The following UCK2 variants were observed in gnomAD, a reference collection of about 807,000 sequenced individuals.
UCK2 encodes the protein uridine-cytidine kinase 2, also known as cytidine monophosphokinase 2.
UCK2 carries 6 observed loss-of-function variants against 30.8 expected under a neutral mutation model. The observed-to-expected ratio is 0.19, with a 90% CI of 0.11 to 0.38. The LOEUF is 0.38. Among genes scored for constraint, UCK2 ranks in the 10% least tolerant of loss-of-function variants. UCK2 has a pLI of 1.00. For synonymous variants in UCK2, 125 were observed against 133.6 expected, an observed-to-expected ratio of 0.94 and a Z score of 0.45; for missense variants, 210 against 339.8, an observed-to-expected ratio of 0.62 and a Z score of 3.00.
At chr1:165,831,998 A>T (rs1165637759) in intron 1 of UCK2, among the ~76,000 whole-genome samples, 7 of 152,010 alleles carry the variant, frequency 4.6e-5, no homozygotes, top group African/African-American at 1.7e-4. Context: ...CGAACTCCTG[A>T]CCTCAGGTGA....
chr1:165,846,882 A>T (rs887699430), intron 1 of UCK2, among the ~76,000 whole-genome samples: 1 of 152,208 alleles, frequency 6.6e-6, no homozygotes, highest in African/African-American at 2.4e-5. Context: ...TGCACTCATC[A>T]GGTGGATGTA....
intron 1 of UCK2, among the ~76,000 whole-genome samples, chr1:165,836,540 C>T (rs958216725): frequency 6.6e-6 from 1 of 152,152 alleles, no homozygotes; most frequent in African/African-American, 2.4e-5. Flanking sequence ...CCATTCATCT[C>T]CTCTAATTTT....
chr1:165,909,301 A>G lies in UCK2; in HGVS notation c.*1478A>G, dbSNP rs939342401. 2.0e-5 allele frequency: 3 copies of G among 152,128 alleles called. No individual in the cohort carries two copies. The highest frequency in any genetic ancestry group is 7.2e-5 in the African/African-American group (3 of 41,426). The allele number at this position is 152,128 out of a possible 1,614,324, so 9.4% of individuals were successfully genotyped here. ...GACTGCAGAAGAGCCAGAGATGTTC[A>G]TTTCATTGTTGACCACCCTAGTGCT... is the stretch of plus-strand genomic sequence containing the variant. On this transcript the variant is annotated 3_prime_UTR_variant, in exon 7 of 7. Transcript: ENST00000367879.
chr1:165,837,862 A>T (rs778546618), intron 1 of UCK2, among the ~76,000 whole-genome samples: 1 of 152,170 alleles, frequency 6.6e-6, no homozygotes, highest in South Asian at 2.1e-4. Flanking sequence ...AACGTGCTCA[A>T]TCTTTAACCT....
intron 5 of UCK2, chr1:165,904,296 T>C (rs1297669193): frequency 6.6e-6 from 1 of 152,248 alleles, no homozygotes. Flanking sequence ...AACCCATACT[T>C]GACTTTGGTT....
At chr1:165,858,321 T>C (rs1021456970) in intron 1 of UCK2, among the ~76,000 whole-genome samples, 1 of 152,294 alleles carries the variant, frequency 6.6e-6, no homozygotes, top group African/African-American at 2.4e-5. Flanking sequence ...GATTCACATG[T>C]GGGCTGGCCA....
At chr1:165,862,288 G>C (rs753616761) in intron 1 of UCK2, among the ~76,000 whole-genome samples, 28 of 152,228 alleles carry the variant, frequency 1.8e-4, no homozygotes, top group Admixed American at 6.5e-4. Context: ...TTCTAAACAA[G>C]TGAAGAGCAA....
chr1:165,828,992 C>T (rs1369979446), intron 1 of UCK2, among the ~76,000 whole-genome samples: 1 of 152,166 alleles, frequency 6.6e-6, no homozygotes, highest in Non-Finnish European at 1.5e-5. Flanking sequence ...GAGAGCAGAG[C>T]AGGAAGGCTG....
chr1:165,885,518 C>T, intron 1 of UCK2: 1 of 391,926 alleles, frequency 2.6e-6, no homozygotes, highest in Non-Finnish European at 4.5e-6. Context: ...ACCTTTAACC[C>T]TCCCGACTCC....
chr1:165,862,370 G>C (rs985242566), intron 1 of UCK2, among the ~76,000 whole-genome samples: 11 of 152,162 alleles, frequency 7.2e-5, no homozygotes, highest in African/African-American at 2.7e-4. Context: ...ATAGGGTGTA[G>C]TCTGGCCCAC....
At chr1:165,867,495 A>T (rs1255326128) in intron 1 of UCK2, among the ~76,000 whole-genome samples, 1 of 152,242 alleles carries the variant, frequency 6.6e-6, no homozygotes, top group African/African-American at 2.4e-5. Context: ...AGTCCTCTTA[A>T]ACCTTGCCAC....
rs115416192 is a variant in UCK2, at chr1:165,911,084, C to A, written c.*3261C>A. 1 of 152,234 alleles carries A rather than the reference C, an allele frequency of 6.6e-6. No homozygotes were observed. Among genetic ancestry groups the A allele is most frequent in the Non-Finnish European group, 1.5e-5 (1 of 68,102 alleles). 9.4% of individuals were successfully genotyped at this position (152,234 alleles called of 1,614,324 possible). A position where few individuals can be genotyped will look rare whatever the true frequency, so the allele number is the denominator to read the frequency against. Reference sequence around the variant, plus strand: ...GCTGTTGGAGGGAAGTAGCCTCTTGCAGGGAAATATTTTCCCCTGCCCTGG... The same window carrying A: ...GCTGTTGGAGGGAAGTAGCCTCTTGAAGGGAAATATTTTCCCCTGCCCTGG... On this transcript the variant is annotated 3_prime_UTR_variant, in exon 7 of 7. Transcript: ENST00000367879.
At chr1:165,883,820 G>A (rs936268558) in intron 1 of UCK2, among the ~76,000 whole-genome samples, 1 of 152,144 alleles carries the variant, frequency 6.6e-6, no homozygotes, top group African/African-American at 2.4e-5. Context: ...AAGAATAGAT[G>A]GCTTTGCAGA....
At chr1:165,895,663 A>G (rs1655878573) in intron 3 of UCK2, 2 of 985,520 alleles carry the variant, frequency 2.0e-6, no homozygotes, top group African/African-American at 1.7e-5. Context: ...CTTTCCCAAA[A>G]CTTTTCTTTA....
intron 1 of UCK2, among the ~76,000 whole-genome samples, chr1:165,874,255 G>A (rs970511346): frequency 6.6e-6 from 1 of 152,166 alleles, no homozygotes; most frequent in African/African-American, 2.4e-5. Flanking sequence ...TTGAGGGAAT[G>A]CTTTGTGATT....
At chr1:165,845,806 T>A (rs556279758) in intron 1 of UCK2, among the ~76,000 whole-genome samples, 1 of 152,328 alleles carries the variant, frequency 6.6e-6, no homozygotes, top group Non-Finnish European at 1.5e-5. Context: ...TAGCTGGTAC[T>A]ATAGGAGTGT....
At position 165,906,473 on chromosome 1, in the gene UCK2, A is replaced by G. The variant is rs117075497; in HGVS notation, c.646+504A>G. On this transcript the variant is annotated intron_variant, in intron 6 of 6. Transcript: ENST00000367879. ...AGTCACAGCTCATTTGCAGCCTCCA[A>G]TTCCTGGGCCCAGCCTCCCGGTAGC... Among the ~76,000 whole-genome samples the G allele has an allele frequency of 8.8e-3, 1,341 of 152,274 alleles. 36 individuals carry two copies. The highest frequency in any genetic ancestry group is 0.057 in the Admixed American group (873 of 15,292).
At chr1:165,839,906 G>T (rs1388534773) in intron 1 of UCK2, among the ~76,000 whole-genome samples, 2 of 152,208 alleles carry the variant, frequency 1.3e-5, no homozygotes, top group Non-Finnish European at 2.9e-5. Flanking sequence ...GTCAGAACAG[G>T]CTGGTTGGCC....
At chr1:165,873,230 A>G (rs1655247736) in intron 1 of UCK2, among the ~76,000 whole-genome samples, 1 of 152,224 alleles carries the variant, frequency 6.6e-6, no homozygotes, top group Admixed American at 6.5e-5. Flanking sequence ...AGCGAGATAC[A>G]ATAAAATGTA....
Sources: allele counts gnomAD v4.1 joint callset (sites outside exome capture counted in the v4.1 genomes callset), GRCh38; gene constraint gnomAD v4.1.1; transcripts MANE v1.5; gene names NCBI Gene and HGNC (gene_info 2026-07-23, HGNC 2026-07-21).